Variants in TENM1 observed in about 807,000 individuals in gnomAD.
TENM1 encodes the protein teneurin transmembrane protein 1, also known as teneurin-1.
Under a neutral mutation model 174.8 loss-of-function variants are expected in TENM1, and 35 were observed. The observed-to-expected ratio is 0.20, with a 90% confidence interval of 0.15 to 0.27. The LOEUF is 0.27. Among genes scored for constraint, TENM1 ranks in the 10% least tolerant of loss-of-function variants. The probability of loss-of-function intolerance (pLI) is 1.00; values close to 1 mark genes in which losing one functional copy is unlikely to be tolerated. For synonymous variants in TENM1, 781 were observed against 798.7 expected (o/e 0.98, Z 0.37); for missense variants, 1,633 against 2,130.1 (o/e 0.77, Z 4.59).
At chrX:125,155,570 C>A in the TENM1 span, among the ~76,000 whole-genome samples, 3 of 98,575 alleles carry the variant, frequency 3.0e-5, no homozygotes, top group Admixed American at 2.2e-4. Flanking sequence ...CGGAGGCGGG[C>A]GGGGGGAGGG....
chrX:125,005,242 G>A, the TENM1 span, among the ~76,000 whole-genome samples: 264 of 103,854 alleles, frequency 2.5e-3, 1 homozygote, highest in African/African-American at 9.0e-3. Context: ...ATAATTCTAT[G>A]GCCAAATCAG....
chrX:125,126,572 C>T, the TENM1 span, among the ~76,000 whole-genome samples: 1 of 110,555 alleles, frequency 9.0e-6, no homozygotes. Context: ...CTCAACTTAC[C>T]TTGAGTTACA....
At chrX:124,868,016 T>G (rs898414005) in intron 3 of TENM1, among the ~76,000 whole-genome samples, 1 of 111,820 alleles carries the variant, frequency 8.9e-6, no homozygotes, top group Non-Finnish European at 1.9e-5. Flanking sequence ...TCCATGTTCA[T>G]GGACTGGAGG....
At chrX:125,106,595 G>A in the TENM1 span, among the ~76,000 whole-genome samples, 1 of 110,247 alleles carries the variant, frequency 9.1e-6, no homozygotes, top group Non-Finnish European at 1.9e-5. Context: ...ATTTTTAGTA[G>A]AGACAGCGTT....
At chrX:124,513,650 T>G (rs772715251) in intron 18 of TENM1, among the ~76,000 whole-genome samples, 35 of 112,271 alleles carry the variant, frequency 3.1e-4, no homozygotes, top group Non-Finnish European at 4.9e-4. Context: ...CCATATCAGT[T>G]AAGTGATTAC....
chrX:124,567,128 T>G (rs2048959027), intron 11 of TENM1, among the ~76,000 whole-genome samples: 1 of 111,298 alleles, frequency 9.0e-6, no homozygotes, highest in African/African-American at 3.3e-5. Flanking sequence ...GGGTGGAAGA[T>G]CAAAAAGATT....
At chrX:124,405,768 G>C (rs2060455677) in intron 26 of TENM1, among the ~76,000 whole-genome samples, 1 of 110,965 alleles carries the variant, frequency 9.0e-6, no homozygotes, top group African/African-American at 3.3e-5. Flanking sequence ...AGGGCAGAGA[G>C]AAAGCAATTT....
At chrX:124,911,591 T>C (rs1424203494) in intron 1 of TENM1, among the ~76,000 whole-genome samples, 2 of 111,936 alleles carry the variant, frequency 1.8e-5, no homozygotes, top group Non-Finnish European at 3.8e-5. Flanking sequence ...AGAGCATTTC[T>C]AGCACAGAGA....
intron 18 of TENM1, among the ~76,000 whole-genome samples, chrX:124,520,104 C>T (rs2047806830): frequency 8.9e-6 from 1 of 111,792 alleles, no homozygotes; most frequent in African/African-American, 3.3e-5. Context: ...GAAGTCTAAC[C>T]ATCTTAGACA....
intron 3 of TENM1, among the ~76,000 whole-genome samples, chrX:124,797,686 T>G: frequency 9.0e-6 from 1 of 110,954 alleles, no homozygotes; most frequent in East Asian, 2.8e-4. Flanking sequence ...AGGTTTTTTT[T>G]TTTTTTAATT....
chrX:124,450,881 G>A (rs997288669), intron 23 of TENM1, among the ~76,000 whole-genome samples: 3 of 112,143 alleles, frequency 2.7e-5, no homozygotes, highest in African/African-American at 9.7e-5. Flanking sequence ...CCTATCTTTG[G>A]ACAACTCGTT....
chrX:124,436,521 T>A (rs1224518092), intron 23 of TENM1, among the ~76,000 whole-genome samples: 4 of 107,413 alleles, frequency 3.7e-5, no homozygotes, highest in African/African-American at 1.4e-4. Context: ...TGAGACTGAG[T>A]CTCACTCTGT....
chrX:125,195,855 T>C, the TENM1 span, among the ~76,000 whole-genome samples: 1 of 110,553 alleles, frequency 9.0e-6, no homozygotes, highest in Non-Finnish European at 1.9e-5. Context: ...TTGGCCAGAA[T>C]CAGAAGAAGA....
chrX:125,187,613 T>C, the TENM1 span, among the ~76,000 whole-genome samples: 24 of 111,886 alleles, frequency 2.1e-4, no homozygotes, highest in African/African-American at 7.8e-4. Flanking sequence ...AATTTCTATG[T>C]ATATCTTTAA....
chrX:124,971,728 ACT>A, the TENM1 span, among the ~76,000 whole-genome samples: 2 of 111,127 alleles, frequency 1.8e-5, no homozygotes, highest in Admixed American at 9.5e-5. Context: ...GTGTGGGAAC[ACT>A]CTCTTCTTTC....
At chrX:125,144,156 G>C in the TENM1 span, among the ~76,000 whole-genome samples, 1 of 111,353 alleles carries the variant, frequency 9.0e-6, no homozygotes, top group Admixed American at 9.6e-5. Flanking sequence ...TGAATCCAAA[G>C]AGATGGCTCA....
chrX:124,688,454 T>C (rs1449783366), intron 5 of TENM1: 3 of 109,871 alleles, frequency 2.7e-5, no homozygotes, highest in African/African-American at 1.0e-4. Context: ...ATTTCCACTT[T>C]ATTTTTCTCC....
intron 6 of TENM1, among the ~76,000 whole-genome samples, chrX:124,654,821 C>T (rs186406149): frequency 3.6e-5 from 4 of 111,223 alleles, no homozygotes; most frequent in Non-Finnish European, 5.7e-5. Flanking sequence ...TTAGAGCAGA[C>T]GGACACAAGA....
At chrX:124,745,816 C>T (rs1353385118) in intron 3 of TENM1, among the ~76,000 whole-genome samples, 3 of 109,375 alleles carry the variant, frequency 2.7e-5, no homozygotes, top group African/African-American at 1.0e-4. Flanking sequence ...ATATGAGTAA[C>T]ATGTACATGT....
Sources: allele counts gnomAD v4.1 joint callset (sites outside exome capture counted in the v4.1 genomes callset), GRCh38; gene constraint gnomAD v4.1.1; transcripts MANE v1.5; gene names NCBI Gene and HGNC (gene_info 2026-07-23, HGNC 2026-07-21).